The following LSAMP variants were observed in gnomAD, a reference collection of about 807,000 sequenced individuals.
LSAMP encodes the protein limbic system-associated membrane protein.
Under a neutral mutation model 38.6 loss-of-function variants are expected in LSAMP, and 7 were observed. The ratio of observed to expected loss-of-function variants is 0.18; its 90% confidence interval spans 0.10 to 0.34. The LOEUF is 0.34. LSAMP is among the 10% of genes least tolerant of loss of function. The pLI is 1.00. For synonymous variants in LSAMP, 154 were observed against 166.8 expected (o/e 0.92, Z 0.59); for missense variants, 313 against 420.0 (o/e 0.75, Z 2.23).
intron 6 of LSAMP, among the ~76,000 whole-genome samples, chr3:115,827,628 G>A (rs1395110901): frequency 6.6e-6 from 1 of 152,170 alleles, no homozygotes. Flanking sequence ...CGAAACTATA[G>A]AGTAAACTAT....
intron 2 of LSAMP, among the ~76,000 whole-genome samples, chr3:116,033,088 G>A (rs1176140196): frequency 6.6e-6 from 1 of 152,076 alleles, no homozygotes; most frequent in African/African-American, 2.4e-5. Flanking sequence ...TCTAAATAAT[G>A]GTGATAATAT....
rs1332402730 is a variant in LSAMP at position 115,858,167 on chromosome 3, C to CACACACACACACACACACGCAA, written c.515-5551_515-5550insTTGCGTGTGTGTGTGTGTGTGT. 1.9e-3 allele frequency among the ~76,000 whole-genome samples: 289 copies of CACACACACACACACACACGCAA among 149,102 alleles called. 1 individual carries two copies. The highest frequency in any genetic ancestry group is 6.2e-3 in the African/African-American group (253 of 40,908). ...TCTCTCTCTCTCTCTCTCTCTCTCA[C>CACACACACACACACACACGCAA]ACACACACACCCCACAAAAAGCTAG... is the stretch of plus-strand genomic sequence containing the variant. On this transcript the variant is annotated intron_variant, in intron 3 of 6. Coordinates refer to ENST00000490035, the MANE Select transcript of LSAMP (RefSeq NM_002338.5).
At chr3:116,208,924 C>T (rs2046110849) in intron 1 of LSAMP, among the ~76,000 whole-genome samples, 1 of 152,206 alleles carries the variant, frequency 6.6e-6, no homozygotes, top group Admixed American at 6.5e-5. Flanking sequence ...GTGGTGGGCT[C>T]CACCCAGTTG....
At chr3:116,211,850 C>T in intron 1 of LSAMP, among the ~76,000 whole-genome samples, 1 of 152,144 alleles carries the variant, frequency 6.6e-6, no homozygotes, top group East Asian at 1.9e-4. Context: ...CATCTTCCAG[C>T]CCTTAGTTTT....
chr3:116,016,781 T>C (rs953234036), intron 3 of LSAMP, among the ~76,000 whole-genome samples: 3 of 152,200 alleles, frequency 2.0e-5, no homozygotes, highest in Admixed American at 1.3e-4. Context: ...GATACAGATA[T>C]ATTTTTGCAT....
chr3:116,432,111 C>T (rs1014901711), intron 1 of LSAMP, among the ~76,000 whole-genome samples: 6 of 151,698 alleles, frequency 4.0e-5, no homozygotes, highest in Admixed American at 1.3e-4. Context: ...ATTACGGTAG[C>T]CATTGTGTGA....
chr3:116,264,806 T>C (rs1417697869), intron 1 of LSAMP, among the ~76,000 whole-genome samples: 1 of 152,108 alleles, frequency 6.6e-6, no homozygotes, highest in African/African-American at 2.4e-5. Flanking sequence ...GAGATCTTGC[T>C]ATGTTGCTCA....
chr3:116,035,161 A>G (rs913226026), intron 2 of LSAMP, among the ~76,000 whole-genome samples: 3 of 152,192 alleles, frequency 2.0e-5, no homozygotes, highest in African/African-American at 7.2e-5. Flanking sequence ...AAAACACTGT[A>G]AAAAAGAAAA....
intron 2 of LSAMP, among the ~76,000 whole-genome samples, chr3:116,082,102 A>C (rs530153481): frequency 1.2e-4 from 18 of 152,314 alleles, no homozygotes; most frequent in East Asian, 3.9e-4. Context: ...TTTCCTTTGT[A>C]TTCATACACA....
chr3:115,993,084 A>C (rs879676230), intron 3 of LSAMP, among the ~76,000 whole-genome samples: 3 of 152,138 alleles, frequency 2.0e-5, no homozygotes, highest in Admixed American at 2.0e-4. Flanking sequence ...AGCTAGGAAT[A>C]CATTTATATT....
intron 1 of LSAMP, among the ~76,000 whole-genome samples, chr3:116,174,449 A>T (rs545835486): frequency 6.6e-6 from 1 of 152,128 alleles, no homozygotes; most frequent in African/African-American, 2.4e-5. Flanking sequence ...TAAAAATAGC[A>T]ATCATAATAG....
chr3:116,082,768 T>C (rs1164725782), intron 2 of LSAMP, among the ~76,000 whole-genome samples: 1 of 152,132 alleles, frequency 6.6e-6, no homozygotes, highest in Non-Finnish European at 1.5e-5. Context: ...CTATCATCCC[T>C]AGTAAACTAA....
At chr3:116,004,431 TATATACAC>T (rs1219409501) in intron 3 of LSAMP, among the ~76,000 whole-genome samples, 1 of 151,266 alleles carries the variant, frequency 6.6e-6, no homozygotes, top group African/African-American at 2.4e-5. Context: ...CACATATACA[TATATACAC>T]ATATACATAT....
intron 1 of LSAMP, among the ~76,000 whole-genome samples, chr3:116,158,936 C>T (rs1409802007): frequency 6.6e-6 from 1 of 151,714 alleles, no homozygotes; most frequent in Non-Finnish European, 1.5e-5. Context: ...GAAAACAAAA[C>T]AAAACAAAAC....
chr3:116,246,506 G>A (rs905335432), intron 1 of LSAMP, among the ~76,000 whole-genome samples: 1 of 152,030 alleles, frequency 6.6e-6, no homozygotes, highest in African/African-American at 2.4e-5. Context: ...GTTTTGATGT[G>A]AATGACTATA....
rs560545046 is a variant in LSAMP at position 116,081,499 on chromosome 3, A to G, written c.388+4825T>C. 2.0e-5 allele frequency among the ~76,000 whole-genome samples: 3 copies of G among 152,192 alleles called. No individual in the cohort carries two copies. The South Asian group carries it at 6.2e-4, about 32-fold the overall frequency. ...TTTCCTAATATTTAAGTTTTCAATT[A>G]TTAAATTTAAAGGGCATCTAGAGAC... On this transcript the variant is annotated intron_variant, in intron 2 of 6. Transcript: ENST00000490035.
intron 1 of LSAMP, among the ~76,000 whole-genome samples, chr3:116,196,943 GTC>G (rs1319183440): frequency 5.9e-5 from 9 of 152,072 alleles, no homozygotes; most frequent in Non-Finnish European, 1.2e-4. Flanking sequence ...TCATTGCTAT[GTC>G]TCTCATTCGT....
At chr3:116,178,929 T>G (rs1710418262) in intron 1 of LSAMP, among the ~76,000 whole-genome samples, 1 of 152,152 alleles carries the variant, frequency 6.6e-6, no homozygotes, top group Non-Finnish European at 1.5e-5. Flanking sequence ...TCTCAGTCTT[T>G]GGGATTTTAT....
At chr3:115,917,883 T>C (rs1009233558) in intron 3 of LSAMP, among the ~76,000 whole-genome samples, 18 of 152,228 alleles carry the variant, frequency 1.2e-4, no homozygotes, top group African/African-American at 4.1e-4. Flanking sequence ...CTTCCATAAA[T>C]ATAAAAATTA....
Sources: allele counts gnomAD v4.1 joint callset (sites outside exome capture counted in the v4.1 genomes callset), GRCh38; gene constraint gnomAD v4.1.1; transcripts MANE v1.5; gene names NCBI Gene and HGNC (gene_info 2026-07-23, HGNC 2026-07-21).